The following SDK2 variants were observed in gnomAD, a reference collection of about 807,000 sequenced individuals.
SDK2 encodes the protein sidekick cell adhesion molecule 2, also known as protein sidekick-2.
SDK2 carries 105 observed loss-of-function variants against 253.9 expected under a neutral mutation model. The ratio of observed to expected loss-of-function variants is 0.41; its 90% CI spans 0.35 to 0.49. The LOEUF (loss-of-function observed/expected upper bound fraction) is 0.49. Among genes scored for constraint, SDK2 ranks in the 20% least tolerant of loss-of-function variants. The pLI is 0.06. For synonymous variants in SDK2, 1,249 were observed against 1,234.9 expected, an observed-to-expected ratio of 1.01 and a Z score of -0.24; for missense variants, 2,608 against 3,003.0, an observed-to-expected ratio of 0.87 and a Z score of 3.07.
rs1568385812 is a variant in SDK2 at position 73,405,514 on chromosome 17, AT to A, written c.2485-3374del. ...TATATATATATATATATATATATAT[AT>A]ATAAAGATCGAGAATGTGGAAAGTA... On this transcript the variant is annotated intron_variant, in intron 18 of 44. Transcript: ENST00000392650. Among the ~76,000 whole-genome samples the A allele has an allele frequency of 2.8e-3, 236 of 84,692 alleles. 42 individuals are homozygous for A. The highest frequency in any genetic ancestry group is 3.3e-3 in the Non-Finnish European group (131 of 39,854). The allele number at this position is 84,692 out of a possible 152,430, so 55.6% of individuals were successfully genotyped here.
intron 2 of SDK2, among the ~76,000 whole-genome samples, chr17:73,480,909 T>G (rs980947150): frequency 1.3e-5 from 2 of 152,088 alleles, no homozygotes; most frequent in African/African-American, 4.8e-5. Context: ...GCAATGTCTG[T>G]TTTTCTATTT....
rs2063289912 is a variant in SDK2, at chr17:73,427,085, A to AT, written c.1584-2994dup. ...GGGTGACAGAGCGAGACTCCATCTC[A>AT]TAAAAAAAAAGAAAAAAAAGAAATA... On this transcript the variant is annotated intron_variant, in intron 12 of 44. Coordinates refer to ENST00000392650, the MANE Select transcript of SDK2 (RefSeq NM_001144952.2). Among the ~76,000 whole-genome samples the AT allele has an allele frequency of 4.6e-5, 7 of 152,282 alleles. 1 individual carries two copies. In the East Asian group the frequency reaches 1.2e-3, roughly 25 times the overall value.
chr17:73,393,258 A>G (rs1266336116), intron 27 of SDK2, among the ~76,000 whole-genome samples: 1 of 147,758 alleles, frequency 6.8e-6, no homozygotes, highest in African/African-American at 2.6e-5. Flanking sequence ...AAAAAAAAAA[A>G]AAAAAAGAAA....
In SDK2 at chr17:73,337,047, A is replaced by ATG. The variant is rs1162306143; in HGVS notation, c.*1538_*1539dup. 84 of 143,200 alleles carry ATG rather than the reference A, an allele frequency of 5.9e-4. No homozygotes were observed. The highest frequency in any genetic ancestry group is 1.8e-3 in the African/African-American group (69 of 37,434). The allele number at this position is 143,200 out of a possible 1,614,324, so 8.9% of individuals were successfully genotyped here. On this transcript the variant is annotated 3_prime_UTR_variant, in exon 45 of 45. Coordinates refer to ENST00000392650, the MANE Select transcript of SDK2 (RefSeq NM_001144952.2). ...GAACACTCCTTGGAGCAGATTGTGT[A>ATG]TGTGTATGTGTGTGTGTGTGTGTGT...
chr17:73,556,784 A>G (rs536906177), intron 1 of SDK2, among the ~76,000 whole-genome samples: 3 of 152,286 alleles, frequency 2.0e-5, no homozygotes, highest in Non-Finnish European at 4.4e-5. Flanking sequence ...CTGGGTTCAC[A>G]TCTGAGCTCT....
At chr17:73,388,916 T>C (rs143192265) in intron 29 of SDK2, among the ~76,000 whole-genome samples, 21,401 of 51,770 alleles carry the variant, frequency 0.41, 5,123 homozygotes, top group Non-Finnish European at 0.52. Flanking sequence ...CTCCCTCCCT[T>C]TTTCCCCCCT....
At position 73,387,921 on chromosome 17, in the gene SDK2, T is replaced by A; in HGVS notation, c.4309A>T (p.Ile1437Phe). ...CCGCTGGGCAGCTCGCGGGTCTGGA[T>A]GGTGTAGTAGCGCACAGGGGAGAGC... ...DGLSPVRYYT[I>F]QTRELPSGRW... Residue 1437 changes from isoleucine to phenylalanine, a missense_variant, in exon 30 of 45, where the codon ATC (isoleucine) becomes TTC (phenylalanine). By Grantham distance (21) the Ile-to-Phe change is conservative. This residue lies in a region of SDK2 where 1,103 missense variants were observed against 1,143.9 expected (regional missense o/e 0.96). Coordinates refer to ENST00000392650, the MANE Select transcript of SDK2 (RefSeq NM_001144952.2). 1 of 1,589,466 alleles carries A rather than the reference T, an allele frequency of 6.3e-7. No homozygotes were observed. Among genetic ancestry groups the A allele is most frequent in the Non-Finnish European group, 8.6e-7 (1 of 1,168,708 alleles).
At chr17:73,377,250 G>C (rs2062790097) in intron 36 of SDK2, among the ~76,000 whole-genome samples, 1 of 137,800 alleles carries the variant, frequency 7.3e-6, no homozygotes, top group Non-Finnish European at 1.5e-5. Flanking sequence ...ACAGAGTCTT[G>C]CTCTGTTGTC....
At chr17:73,471,109 C>T (rs1241562904) in intron 3 of SDK2, among the ~76,000 whole-genome samples, 2 of 152,178 alleles carry the variant, frequency 1.3e-5, no homozygotes, top group Non-Finnish European at 2.9e-5. Flanking sequence ...AAGGCCGTTA[C>T]CCACAAAGGC....
rs867004789 is a variant in SDK2, at chr17:73,351,120, T to C, written c.5759-330A>G. Among the ~76,000 whole-genome samples, 477 of 152,062 alleles carry C rather than the reference T, an allele frequency of 3.1e-3. 5 individuals are homozygous for C. The highest frequency in any genetic ancestry group is 0.011 in the African/African-American group (456 of 41,494). Reference sequence around the variant, plus strand: ...GTTAGCTACTTTTTCCCCTTTTTTTTTTTTTTGAGACGGAGTTTCACTCTT... The same window carrying C: ...GTTAGCTACTTTTTCCCCTTTTTTTCTTTTTTGAGACGGAGTTTCACTCTT... On this transcript the variant is annotated intron_variant, in intron 41 of 44. Coordinates refer to ENST00000392650, the MANE Select transcript of SDK2 (RefSeq NM_001144952.2).
rs143934514 is a variant in SDK2, at chr17:73,435,562, G to C, written c.1083C>G (p.Asn361Lys). The change falls in exon 9 of 45, where the codon AAC becomes AAG. Residue 361 changes from asparagine (N) to lysine (K), a missense_variant. Asn to Lys is a moderately conservative substitution (Grantham distance 94). Around this residue, in one of 2 missense-constraint regions of SDK2, gnomAD observed 1,505 missense variants for 1,859.1 expected, o/e 0.81. Transcript: ENST00000392650. This position sits in a 1 kb window ranked among gnomAD's most constrained non-coding sequence, Gnocchi z 5.7. ...VEKLTRFRQR[N>K]DGGLQISGLV... ...GGCCGCTGATCTGCAGGCCCCCGTC[G>C]TTGCGCTGCCGGAAGCGGGTCAACT... 23 of 1,589,530 alleles carry C rather than the reference G, an allele frequency of 1.4e-5. No individual in the cohort carries two copies. The highest frequency in any genetic ancestry group is 1.8e-5 in the Non-Finnish European group (21 of 1,168,266).
chr17:73,453,686 G>T (rs1420359163), intron 4 of SDK2, among the ~76,000 whole-genome samples: 1 of 152,154 alleles, frequency 6.6e-6, no homozygotes, highest in Non-Finnish European at 1.5e-5. Flanking sequence ...CCACTGAGCT[G>T]TTTTGTTACG....
chr17:73,488,415 G>C (rs756292236), intron 2 of SDK2, among the ~76,000 whole-genome samples: 8 of 152,292 alleles, frequency 5.3e-5, no homozygotes, highest in African/African-American at 1.9e-4. Context: ...ATTAGAGAAC[G>C]ATATGAGCAT....
intron 4 of SDK2, among the ~76,000 whole-genome samples, chr17:73,454,957 T>C (rs2063514023): frequency 6.6e-6 from 1 of 152,078 alleles, no homozygotes; most frequent in Non-Finnish European, 1.5e-5. Context: ...TCCACCTCAG[T>C]CTCCCAAAGT....
At chr17:73,344,067 G>C (rs2062462350) in intron 44 of SDK2, among the ~76,000 whole-genome samples, 1 of 152,170 alleles carries the variant, frequency 6.6e-6, no homozygotes, top group East Asian at 1.9e-4. Flanking sequence ...CTCTGCAGGG[G>C]CTGCAGCCTC....
intron 2 of SDK2, among the ~76,000 whole-genome samples, chr17:73,490,524 T>C (rs1200161986): frequency 3.5e-5 from 3 of 86,322 alleles, no homozygotes; most frequent in Admixed American, 3.4e-4. Context: ...CCAGGCAGTG[T>C]TTTTTTTTTT....
At chr17:73,439,708 C>G (rs984597232) in intron 6 of SDK2, among the ~76,000 whole-genome samples, 2 of 152,202 alleles carry the variant, frequency 1.3e-5, no homozygotes, top group Admixed American at 1.3e-4. Flanking sequence ...TGGGTCAGCG[C>G]GCTGCCTATG....
chr17:73,602,958 C>T (rs1054312286), intron 1 of SDK2, among the ~76,000 whole-genome samples: 2 of 152,156 alleles, frequency 1.3e-5, no homozygotes, highest in Non-Finnish European at 2.9e-5. Flanking sequence ...CTCCTGACCT[C>T]AAGTGATCCA....
rs142823039 is a variant in SDK2 at position 73,365,311 on chromosome 17, T to C, written c.5252A>G (p.Asn1751Ser). 6.7e-5 allele frequency: 108 copies of C among 1,613,118 alleles called. No homozygotes were observed. In the Middle Eastern group the frequency reaches 9.9e-4, roughly 15 times the overall value. Reference sequence around the variant, plus strand: ...CAGCCTGTAGCCCTCCAGGATGCCATTGGGGAACTGCGGGGCTTCCCAGGA... The same window carrying C: ...CAGCCTGTAGCCCTCCAGGATGCCACTGGGGAACTGCGGGGCTTCCCAGGA... ...NVSWEAPQFP[N>S]GILEGYRLVY... is the part of the protein sequence containing the mutation. The change falls in exon 38 of 45, where the codon AAT (asparagine) becomes AGT (serine). Residue 1751 changes from asparagine to serine, a missense_variant. Coordinates refer to ENST00000392650, the MANE Select transcript of SDK2 (RefSeq NM_001144952.2).
Sources: allele counts gnomAD v4.1 joint callset (sites outside exome capture counted in the v4.1 genomes callset), GRCh38; gene constraint gnomAD v4.1.1; regional missense constraint gnomAD v4.1.1; non-coding constraint Gnocchi (gnomAD v3.1); transcripts MANE v1.5; gene names NCBI Gene and HGNC (gene_info 2026-07-23, HGNC 2026-07-21).